The following STX1A variants were observed in gnomAD, a reference collection of about 807,000 sequenced individuals.
STX1A encodes syntaxin-1A.
Under a neutral mutation model 37.8 loss-of-function variants are expected in STX1A, and 4 were observed. The observed-to-expected ratio is 0.11, with a 90% CI of 0.05 to 0.24. The LOEUF (loss-of-function observed/expected upper bound fraction) is 0.24, where lower values mean the gene tolerates loss of function less well. Among genes scored for constraint, STX1A ranks in the 10% least tolerant of loss-of-function variants. The probability of loss-of-function intolerance (pLI) is 1.00; values close to 1 mark genes in which losing one functional copy is unlikely to be tolerated. For missense variants in STX1A, 251 were observed against 399.9 expected, an observed-to-expected ratio of 0.63 and a Z score of 3.18; for synonymous variants, 135 against 147.4, an observed-to-expected ratio of 0.92 and a Z score of 0.61.
At position 73,704,219 on chromosome 7, in the gene STX1A, G is replaced by C; in HGVS notation, c.395C>G (p.Ser132Trp). Reference protein sequence around the residue: ...TLSRKFVEVMSEYNATQSDYR... With the variant: ...TLSRKFVEVMWEYNATQSDYR... ...GTCGGACTGCGTGGCGTTGTACTCC[G>C]ACATGACCTCCACAAACTTTCTGGA... The change falls in exon 6 of 10, where the codon TCG (serine) becomes TGG (tryptophan). Residue 132 changes from serine to tryptophan, a missense_variant. This residue lies in a region of STX1A where 214 missense variants were observed against 367.6 expected (regional missense o/e 0.58). Coordinates refer to ENST00000222812, the MANE Select transcript of STX1A (RefSeq NM_004603.4). 1 of 1,612,146 alleles carries C rather than the reference G, an allele frequency of 6.2e-7. No homozygotes were observed. The highest frequency in any genetic ancestry group is 8.5e-7 in the Non-Finnish European group (1 of 1,179,032).
Position 73,700,363 on chromosome 7 carries a change from CTTGGAGTGGCCCACCTGGA to C in STX1A, c.*25_*43del. 1 of 1,603,868 alleles carries C rather than the reference CTTGGAGTGGCCCACCTGGA, an allele frequency of 6.2e-7. No individual in the cohort carries two copies. Among genetic ancestry groups the C allele is most frequent in the Non-Finnish European group, 8.5e-7 (1 of 1,170,860 alleles). ...GCCAGGTGGCAGCAGCCAGGGCCTC[CTTGGAGTGGCCCACCTGGA>C]GTGGAGTGGCAGTTTGGGTGGCTTC... On this transcript the variant is annotated 3_prime_UTR_variant, in exon 10 of 10. Coordinates refer to ENST00000222812, the MANE Select transcript of STX1A (RefSeq NM_004603.4). This position sits in a 1 kb window ranked among gnomAD's most constrained non-coding sequence, Gnocchi z 4.4.
In STX1A at chr7:73,706,071, C is replaced by T. The variant is rs894386073; in HGVS notation, c.209-847G>A. ...TGGCAACACCCCAGTCTCAGGACAC[C>T]CCCAGGACTCTGCCCCGAGAGAAGC... On this transcript the variant is annotated intron_variant, in intron 3 of 9. Coordinates refer to ENST00000222812, the MANE Select transcript of STX1A (RefSeq NM_004603.4). The surrounding 1 kb of genome is among the most constrained non-coding windows in gnomAD (Gnocchi z 4.6). Among the ~76,000 whole-genome samples, 1 of 152,174 alleles carries T rather than the reference C, an allele frequency of 6.6e-6. No homozygotes were observed.
At position 73,709,406 on chromosome 7, in the gene STX1A, C is replaced by A. The variant is rs1442800754; in HGVS notation, c.31-284G>T. On this transcript the variant is annotated intron_variant, in intron 1 of 9. Transcript: ENST00000222812. This position sits in a 1 kb window ranked among gnomAD's most constrained non-coding sequence, Gnocchi z 4.2. Reference sequence around the variant, plus strand: ...TCCTCCCTCACCTATCTGCCTGCCCCCTCCCTGTGGCTGGGGAGGCAAGCG... The same window carrying A: ...TCCTCCCTCACCTATCTGCCTGCCCACTCCCTGTGGCTGGGGAGGCAAGCG... Among the ~76,000 whole-genome samples, 2 of 152,132 alleles carry A rather than the reference C, an allele frequency of 1.3e-5. No individual in the cohort carries two copies. The highest frequency in any genetic ancestry group is 4.8e-5 in the African/African-American group (2 of 41,424).
intron 1 of STX1A, among the ~76,000 whole-genome samples, chr7:73,718,615 A>AC (rs1224755321): frequency 2.0e-5 from 3 of 149,488 alleles, no homozygotes; most frequent in Non-Finnish European, 3.0e-5. Context: ...GCCTTGATCC[A>AC]CCCCCCCTCC....
intron 6 of STX1A, 96 bp from the exon 7 acceptor site, chr7:73,703,924 C>T (rs1798765289): frequency 1.4e-6 from 2 of 1,412,262 alleles, no homozygotes; most frequent in African/African-American, 1.4e-5. Flanking sequence ...CCGGGCTCCC[C>T]CCAGCCCCGA....
rs1445877648 is a variant in STX1A, at chr7:73,717,436, T to A, written c.30+2166A>T. ...TGTGGAGCTGGAGTCAGGAGACCTG[T>A]AGCCCTGCTTCTCGTCCCGAGAAAC... is the stretch of plus-strand genomic sequence containing the variant. On this transcript the variant is annotated intron_variant, in intron 1 of 9. Coordinates refer to ENST00000222812, the MANE Select transcript of STX1A (RefSeq NM_004603.4). This position sits in a 1 kb window ranked among gnomAD's most constrained non-coding sequence, Gnocchi z 4.1. Among the ~76,000 whole-genome samples, 1 of 152,168 alleles carries A rather than the reference T, an allele frequency of 6.6e-6. No homozygotes were observed. Among genetic ancestry groups the A allele is most frequent in the Non-Finnish European group, 1.5e-5 (1 of 68,014 alleles).
chr7:73,710,918 A>C (rs1372098658), intron 1 of STX1A, among the ~76,000 whole-genome samples: 1 of 152,128 alleles, frequency 6.6e-6, no homozygotes, highest in Admixed American at 6.5e-5. Flanking sequence ...GGACAGTGAC[A>C]CCTGGCTGCA....
In STX1A at chr7:73,717,300, CCCCAGTCCAG is replaced by C. The variant is rs1168941957; in HGVS notation, c.30+2292_30+2301del. On this transcript the variant is annotated intron_variant, in intron 1 of 9. Transcript: ENST00000222812. The surrounding 1 kb of genome is among the most constrained non-coding windows in gnomAD (Gnocchi z 4.1). ...GTTCAGCCCAGCCCAGCCCAGCCCG[CCCCAGTCCAG>C]CCCAGTCCAGCCCAGTCCAGCTCAG... Among the ~76,000 whole-genome samples, 3 of 152,188 alleles carry C rather than the reference CCCCAGTCCAG, an allele frequency of 2.0e-5. No individual in the cohort carries two copies. The highest frequency in any genetic ancestry group is 4.8e-5 in the African/African-American group (2 of 41,532).
chr7:73,713,168 C>T (rs1554618182), intron 1 of STX1A, among the ~76,000 whole-genome samples: 10 of 152,212 alleles, frequency 6.6e-5, no homozygotes, highest in Non-Finnish European at 1.5e-4. Flanking sequence ...GCTCCTGGCT[C>T]TGTCGCCCCT....
intron 7 of STX1A, 22 bp from the exon 8 acceptor site, chr7:73,703,004 TG>T: frequency 8.4e-7 from 1 of 1,186,586 alleles, no homozygotes. Flanking sequence ...AGCAGGGGGC[TG>T]GGACCCAGAG....
At chr7:73,715,983 G>C (rs1799276135) in intron 1 of STX1A, among the ~76,000 whole-genome samples, 1 of 152,162 alleles carries the variant, frequency 6.6e-6, no homozygotes, top group African/African-American at 2.4e-5. Flanking sequence ...CCCCAGAGTG[G>C]CTCAGGGAGG....
rs1799343968 is a variant in STX1A, at chr7:73,717,853, A to G, written c.30+1749T>C. 6.6e-6 allele frequency among the ~76,000 whole-genome samples: 1 copy of G among 152,186 alleles called. No individual in the cohort carries two copies. The highest frequency in any genetic ancestry group is 2.1e-4 in the South Asian group (1 of 4,836). ...CACTGGCTGTCCCCCAGTGTCAGCC[A>G]GGCCTGAGTCTGACTATCTTCAGGG... On this transcript the variant is annotated intron_variant, in intron 1 of 9. Transcript: ENST00000222812. This position sits in a 1 kb window ranked among gnomAD's most constrained non-coding sequence, Gnocchi z 4.1.
At chr7:73,701,530 A>G (rs1798654537) in intron 8 of STX1A, among the ~76,000 whole-genome samples, 2 of 150,126 alleles carry the variant, frequency 1.3e-5, no homozygotes, top group African/African-American at 5.0e-5. Flanking sequence ...CAAAAAAAGA[A>G]AAAGAAAAAA....
rs372364411 is a variant in STX1A, at chr7:73,709,038, C to T, written c.108+7G>A. The T allele has an allele frequency of 9.9e-6, 16 of 1,614,064 alleles. No individual in the cohort carries two copies. Among genetic ancestry groups the T allele is most frequent in the Non-Finnish European group, 1.4e-5 (16 of 1,179,972 alleles). On this transcript the variant is annotated splice_region_variant and intron_variant, in intron 2 of 9. Coordinates refer to ENST00000222812, the MANE Select transcript of STX1A (RefSeq NM_004603.4). The surrounding 1 kb of genome is among the most constrained non-coding windows in gnomAD (Gnocchi z 4.2). ...GTGCGGGAAGGGTGGGGTGTGCTGGCTCCCACCTGCTCAAAGAACTCATCC... is the reference window on the plus strand; with the variant it reads ...GTGCGGGAAGGGTGGGGTGTGCTGGTTCCCACCTGCTCAAAGAACTCATCC...
chr7:73,701,069 G>A, intron 8 of STX1A: 2 of 781,896 alleles, frequency 2.6e-6, no homozygotes, highest in Non-Finnish European at 4.0e-6. Flanking sequence ...AATCCTGGGG[G>A]TGGAGCTGGC....
intron 1 of STX1A, among the ~76,000 whole-genome samples, chr7:73,719,118 C>G (rs1392705965): frequency 2.0e-5 from 3 of 151,920 alleles, no homozygotes; most frequent in Non-Finnish European, 4.4e-5. Flanking sequence ...AGCGGGGCCC[C>G]GCGCAGGGGA....
chr7:73,718,343 G>T (rs577005677), intron 1 of STX1A, among the ~76,000 whole-genome samples: 1 of 152,172 alleles, frequency 6.6e-6, no homozygotes, highest in African/African-American at 2.4e-5. Flanking sequence ...CCCAGGTCCC[G>T]GCTCCAGGAT....
At position 73,717,734 on chromosome 7, in the gene STX1A, G is replaced by C. The variant is rs1799339047; in HGVS notation, c.30+1868C>G. 6.6e-6 allele frequency among the ~76,000 whole-genome samples: 1 copy of C among 152,168 alleles called. No homozygotes were observed. ...CCTCAGACCATTCAAAGCAAAGCCT[G>C]GCTTCACCATCTAATCAGGGGGCGA... On this transcript the variant is annotated intron_variant, in intron 1 of 9. Transcript: ENST00000222812. This position sits in a 1 kb window ranked among gnomAD's most constrained non-coding sequence, Gnocchi z 4.1.
intron 1 of STX1A, among the ~76,000 whole-genome samples, chr7:73,718,961 GC>G (rs577689799): frequency 0.44 from 63,508 of 145,386 alleles, 13,661 homozygotes; most frequent in South Asian, 0.54. Context: ...CGGGTGTGAC[GC>G]CCCCCCCCCC....
Sources: allele counts gnomAD v4.1 joint callset (sites outside exome capture counted in the v4.1 genomes callset), GRCh38; gene constraint gnomAD v4.1.1; regional missense constraint gnomAD v4.1.1; non-coding constraint Gnocchi (gnomAD v3.1); transcripts MANE v1.5; gene names NCBI Gene and HGNC (gene_info 2026-07-23, HGNC 2026-07-21).